ATOH1: variants seen among roughly 807,000 people sequenced by gnomAD.
The protein encoded by ATOH1 is atonal bHLH transcription factor 1, also known as transcription factor ATOH1.
In ATOH1, 9 loss-of-function variants were observed where a neutral mutation model predicts 20.7. The ratio of observed to expected loss-of-function variants is 0.44; its 90% CI spans 0.26 to 0.76. The LOEUF is 0.76. ATOH1 is among the 30% of genes least tolerant of loss of function. ATOH1 has a pLI of 0.20. For missense variants in ATOH1, 516 were observed against 479.3 expected, an observed-to-expected ratio of 1.08 and a Z score of -0.71; for synonymous variants, 247 against 214.3, an observed-to-expected ratio of 1.15 and a Z score of -1.33.
At position 93,828,858 on chromosome 4, in the gene ATOH1, C is replaced by T. The variant is rs1735384429; in HGVS notation, c.-69C>T. The T allele has an allele frequency of 1.4e-6, 2 of 1,476,332 alleles. No homozygotes were observed. Among genetic ancestry groups the T allele is most frequent in the Non-Finnish European group, 9.0e-7 (1 of 1,110,114 alleles). 91.5% of individuals were successfully genotyped at this position (1,476,332 alleles called of 1,614,324 possible). ...CGTTGCAGAAGAGACCCGGAAAGGGCCTTTTTTTTGGTTGAGCTGGTGTCC... is the reference window on the plus strand; with the variant it reads ...CGTTGCAGAAGAGACCCGGAAAGGGTCTTTTTTTTGGTTGAGCTGGTGTCC... On this transcript the variant is annotated 5_prime_UTR_variant, in exon 1 of 1. Transcript: ENST00000306011.
chr4:93,828,906 C>A lies in ATOH1; in HGVS notation c.-21C>A. On this transcript the variant is annotated 5_prime_UTR_variant, in exon 1 of 1. Coordinates refer to ENST00000306011, the MANE Select transcript of ATOH1 (RefSeq NM_005172.2). Reference sequence around the variant, plus strand: ...TCCCAGTGCTGCCTCCGATCCTGAGCCTCCGAGCCTTTGCAGTGCAATGTC... The same window carrying A: ...TCCCAGTGCTGCCTCCGATCCTGAGACTCCGAGCCTTTGCAGTGCAATGTC... The A allele has an allele frequency of 6.4e-7, 1 of 1,552,550 alleles. No individual in the cohort carries two copies. The highest frequency in any genetic ancestry group is 8.7e-7 in the Non-Finnish European group (1 of 1,147,128).
Position 93,830,189 on chromosome 4 carries a change from C to G in ATOH1, c.*198C>G, listed in dbSNP as rs1183976994. 1 of 1,197,382 alleles carries G rather than the reference C, an allele frequency of 8.4e-7. No individual in the cohort carries two copies. The highest frequency in any genetic ancestry group is 1.1e-6 in the Non-Finnish European group (1 of 898,018). 74.2% of individuals were successfully genotyped at this position (1,197,382 alleles called of 1,614,324 possible). A position where few individuals can be genotyped will look rare whatever the true frequency, so the allele number is the denominator to read the frequency against. ...GCCGCTGTTCCAAACTTCCTACGGT[C>G]CATATTGTTTGATGAAAACTTTCTG... On this transcript the variant is annotated 3_prime_UTR_variant, in exon 1 of 1. Coordinates refer to ENST00000306011, the MANE Select transcript of ATOH1 (RefSeq NM_005172.2).
rs1211419402 is a variant in ATOH1, at chr4:93,829,576, C to A, written c.650C>A (p.Thr217Lys). 1.2e-6 allele frequency: 2 copies of A among 1,614,054 alleles called. No individual in the cohort carries two copies. The highest frequency in any genetic ancestry group is 3.3e-5 in the Admixed American group (2 of 60,012). ...YINALSELLQ[T>K]PSGGEQPPPP... is the part of the protein sequence containing the mutation. ...AACGCCTTGTCCGAGCTGCTACAAACGCCCAGCGGAGGGGAACAGCCACCG... is the reference window on the plus strand; with the variant it reads ...AACGCCTTGTCCGAGCTGCTACAAAAGCCCAGCGGAGGGGAACAGCCACCG... The change falls in exon 1 of 1, where the codon ACG (threonine) becomes AAG (lysine). Residue 217 changes from threonine to lysine, a missense_variant. Physicochemically the swap from Thr to Lys is moderately conservative, Grantham distance 78. Transcript: ENST00000306011. The surrounding 1 kb of genome is among the most constrained non-coding windows in gnomAD (Gnocchi z 4.5).
At position 93,830,073 on chromosome 4, in the gene ATOH1, C is replaced by T. The variant is rs550918682; in HGVS notation, c.*82C>T. 17 of 1,492,852 alleles carry T rather than the reference C, an allele frequency of 1.1e-5. No homozygotes were observed. The South Asian group carries it at 2.1e-4, about 19-fold the overall frequency. The allele number at this position is 1,492,852 out of a possible 1,614,324, so 92.5% of individuals were successfully genotyped here. Reference sequence around the variant, plus strand: ...GCGGGAAGCCCCGCGGTTAAAGATCCCCGCACCCTTTAATTTTTGCTCTGC... The same window carrying T: ...GCGGGAAGCCCCGCGGTTAAAGATCTCCGCACCCTTTAATTTTTGCTCTGC... On this transcript the variant is annotated 3_prime_UTR_variant, in exon 1 of 1. Transcript: ENST00000306011.
Position 93,829,295 on chromosome 4 carries a change from A to C in ATOH1, c.369A>C (p.Lys123Asn). The C allele has an allele frequency of 6.2e-7, 1 of 1,611,482 alleles. No individual in the cohort carries two copies. Residue 123 changes from lysine (K) to asparagine (N), a missense_variant, in exon 1 of 1, where the codon AAA becomes AAC. Physicochemically the swap from Lys to Asn is moderately conservative, Grantham distance 94 (BLOSUM62 0). Transcript: ENST00000306011. This position sits in a 1 kb window ranked among gnomAD's most constrained non-coding sequence, Gnocchi z 4.5. Reference protein sequence around the residue: ...ASSSKSPGPVKVREQLCKLKG... With the variant: ...ASSSKSPGPVNVREQLCKLKG... ...GCAGCAAGAGCCCCGGGCCGGTGAA[A>C]GTGCGGGAACAGCTGTGCAAGCTGA... is the stretch of plus-strand genomic sequence containing the variant.
chr4:93,829,280 C>T lies in ATOH1; in HGVS notation c.354C>T (p.Ser118=). 6.2e-7 allele frequency: 1 copy of T among 1,607,168 alleles called. No individual in the cohort carries two copies. The highest frequency in any genetic ancestry group is 1.3e-5 in the African/African-American group (1 of 74,992). Residue 118 remains serine, a synonymous_variant, in exon 1 of 1, where the codon AGC becomes AGT. Coordinates refer to ENST00000306011, the MANE Select transcript of ATOH1 (RefSeq NM_005172.2). This position sits in a 1 kb window ranked among gnomAD's most constrained non-coding sequence, Gnocchi z 4.5. The stretch of plus-strand genomic sequence containing the variant: ...GCGGCGGTGCCAGCAGCAGCAAGAG[C>T]CCCGGGCCGGTGAAAGTGCGGGAAC... ...RSSGGASSSK[S]PGPVKVREQL...
Position 93,829,433 on chromosome 4 carries a change from G to C in ATOH1, c.507G>C (p.Arg169=). ...GGCTAGCAGCCAACGCCAGGGAGCG[G>C]CGCAGGATGCATGGGCTGAACCACG... ...QRRLAANARE[R]RRMHGLNHAF... Residue 169 remains arginine (R), a synonymous_variant, in exon 1 of 1, where the codon CGG becomes CGC. Coordinates refer to ENST00000306011, the MANE Select transcript of ATOH1 (RefSeq NM_005172.2). The surrounding 1 kb of genome is among the most constrained non-coding windows in gnomAD (Gnocchi z 4.5). 6.2e-7 allele frequency: 1 copy of C among 1,614,248 alleles called. No homozygotes were observed. Among genetic ancestry groups the C allele is most frequent in the Non-Finnish European group, 8.5e-7 (1 of 1,180,050 alleles).
At position 93,830,167 on chromosome 4, in the gene ATOH1, G is replaced by C. The variant is rs1735415242; in HGVS notation, c.*176G>C. 3 of 1,338,174 alleles carry C rather than the reference G, an allele frequency of 2.2e-6. No homozygotes were observed. The highest frequency in any genetic ancestry group is 3.0e-5 in the African/African-American group (2 of 67,036). 82.9% of individuals were successfully genotyped at this position (1,338,174 alleles called of 1,614,324 possible). A position where few individuals can be genotyped will look rare whatever the true frequency, so the allele number is the denominator to read the frequency against. ...CATTTGATGGTTTGCAAATGCCGCC[G>C]CTGTTCCAAACTTCCTACGGTCCAT... On this transcript the variant is annotated 3_prime_UTR_variant, in exon 1 of 1. Coordinates refer to ENST00000306011, the MANE Select transcript of ATOH1 (RefSeq NM_005172.2).
chr4:93,829,883 C>T lies in ATOH1; in HGVS notation c.957C>T (p.Ile319=), dbSNP rs200758862. Residue 319 remains isoleucine (I), a synonymous_variant, in exon 1 of 1, where the codon ATC becomes ATT. Coordinates refer to ENST00000306011, the MANE Select transcript of ATOH1 (RefSeq NM_005172.2). This position sits in a 1 kb window ranked among gnomAD's most constrained non-coding sequence, Gnocchi z 4.5. ...TGTCTCCTTCTCTCCCCGGGAGCAT[C>T]TTGCAGCCAGTGCAGGAGGAAAACA... is the stretch of plus-strand genomic sequence containing the variant. The part of the protein sequence containing the change: ...KNLSPSLPGS[I]LQPVQEENSK... The T allele has an allele frequency of 1.6e-5, 26 of 1,614,186 alleles. No individual in the cohort carries two copies. The Admixed American group carries it at 4.0e-4, about 25-fold the overall frequency.
rs374062652 is a variant in ATOH1 at position 93,829,112 on chromosome 4, C to T, written c.186C>T (p.Arg62=). ...ELSLLDSTDP[R]AWLAPTLQGI... ...CCCTCCTGGACAGCACCGACCCACG[C>T]GCCTGGCTGGCTCCCACTTTGCAGG... The change falls in exon 1 of 1, where the codon CGC becomes CGT. Residue 62 remains arginine, a synonymous_variant. Coordinates refer to ENST00000306011, the MANE Select transcript of ATOH1 (RefSeq NM_005172.2). This position sits in a 1 kb window ranked among gnomAD's most constrained non-coding sequence, Gnocchi z 4.5. 25 of 1,609,534 alleles carry T rather than the reference C, an allele frequency of 1.6e-5. No individual in the cohort carries two copies. Among genetic ancestry groups the T allele is most frequent in the Non-Finnish European group, 2.0e-5 (24 of 1,177,376 alleles).
At position 93,829,057 on chromosome 4, in the gene ATOH1, G is replaced by C. The variant is rs1735388831; in HGVS notation, c.131G>C (p.Arg44Thr). Residue 44 changes from arginine (R) to threonine (T), a missense_variant, in exon 1 of 1, where the codon AGA (arginine) becomes ACA (threonine). By Grantham distance (71) the Arg-to-Thr change is moderately conservative. Transcript: ENST00000306011. This position sits in a 1 kb window ranked among gnomAD's most constrained non-coding sequence, Gnocchi z 4.5. Reference sequence around the variant, plus strand: ...CAGCCACCTGCAACTTTGCAGGCGAGAGAGCATCCCGTCTACCCGCCTGAG... The same window carrying C: ...CAGCCACCTGCAACTTTGCAGGCGACAGAGCATCCCGTCTACCCGCCTGAG... ...PPQPPATLQA[R>T]EHPVYPPELS... 4 of 1,613,902 alleles carry C rather than the reference G, an allele frequency of 2.5e-6. No individual in the cohort carries two copies. The highest frequency in any genetic ancestry group is 3.4e-6 in the Non-Finnish European group (4 of 1,179,962).
chr4:93,830,559 G>GT lies in ATOH1; in HGVS notation c.*569dup, dbSNP rs35544861. On this transcript the variant is annotated 3_prime_UTR_variant, in exon 1 of 1. Transcript: ENST00000306011. ...TTTATATATTGTATAAACATACCCA[G>GT]TATGTGCATCCGATCGCGAGAACGT... The GT allele has an allele frequency of 0.55, 92,074 of 166,842 alleles. 27,437 individuals are homozygous for GT. Among genetic ancestry groups the GT allele is most frequent in the Admixed American group, 0.66 (10,106 of 15,294 alleles). 10.3% of individuals were successfully genotyped at this position (166,842 alleles called of 1,614,324 possible).
In ATOH1 at chr4:93,829,035, C is replaced by T. The variant is rs1368780880; in HGVS notation, c.109C>T (p.Pro37Ser). ...HLPQPPPPPQ[P>S]PATLQAREHP... ...CCCGCAACCGCCGCCGCCGCCGCAG[C>T]CACCTGCAACTTTGCAGGCGAGAGA... is the stretch of plus-strand genomic sequence containing the variant. The change falls in exon 1 of 1, where the codon CCA becomes TCA. Residue 37 changes from proline to serine, a missense_variant. Transcript: ENST00000306011. This position sits in a 1 kb window ranked among gnomAD's most constrained non-coding sequence, Gnocchi z 4.5. 6.2e-7 allele frequency: 1 copy of T among 1,613,916 alleles called. No individual in the cohort carries two copies. The highest frequency in any genetic ancestry group is 1.1e-5 in the South Asian group (1 of 91,076).
Position 93,830,318 on chromosome 4 carries a change from C to A in ATOH1, c.*327C>A. The A allele has an allele frequency of 4.1e-6, 1 of 241,168 alleles. No individual in the cohort carries two copies. The highest frequency in any genetic ancestry group is 8.3e-6 in the Non-Finnish European group (1 of 119,972). 14.9% of individuals were successfully genotyped at this position (241,168 alleles called of 1,614,324 possible). ...CATCATTATTCTAGTTCCCTGCTGC[C>A]AATACGCTGCTAAAACGTCGCATCT... is the stretch of plus-strand genomic sequence containing the variant. On this transcript the variant is annotated 3_prime_UTR_variant, in exon 1 of 1. Transcript: ENST00000306011.
Position 93,829,982 on chromosome 4 carries a change from G to A in ATOH1, c.1056G>A (p.Glu352=), listed in dbSNP as rs562808631. 3 of 1,593,156 alleles carry A rather than the reference G, an allele frequency of 1.9e-6. No homozygotes were observed. The highest frequency in any genetic ancestry group is 2.3e-5 in the South Asian group (2 of 87,618). ...ATTCCCATTACAGTGACTCGGATGA[G>A]GCAAGTTAGGAAGGTGACAGAAGCC... ...SPHSHYSDSD[E]AS The change falls in exon 1 of 1, where the codon GAG becomes GAA. Residue 352 remains glutamate (E), a synonymous_variant. Transcript: ENST00000306011. The surrounding 1 kb of genome is among the most constrained non-coding windows in gnomAD (Gnocchi z 4.5).
Position 93,828,823 on chromosome 4 carries a change from A to C in ATOH1, c.-104A>C. 1 of 1,342,548 alleles carries C rather than the reference A, an allele frequency of 7.4e-7. No homozygotes were observed. The highest frequency in any genetic ancestry group is 9.9e-7 in the Non-Finnish European group (1 of 1,006,890). The allele number at this position is 1,342,548 out of a possible 1,614,324, so 83.2% of individuals were successfully genotyped here. Reference sequence around the variant, plus strand: ...GTGGGGGAGGGTCGAGGAGGGAAAAAAAAATAAGACGTTGCAGAAGAGACC... The same window carrying C: ...GTGGGGGAGGGTCGAGGAGGGAAAACAAAATAAGACGTTGCAGAAGAGACC... On this transcript the variant is annotated 5_prime_UTR_variant, in exon 1 of 1. Transcript: ENST00000306011.
Position 93,829,919 on chromosome 4 carries a change from G to A in ATOH1, c.993G>A (p.Ser331=). The A allele has an allele frequency of 6.2e-7, 1 of 1,614,044 alleles. No homozygotes were observed. The highest frequency in any genetic ancestry group is 8.5e-7 in the Non-Finnish European group (1 of 1,180,010). The part of the protein sequence containing the change: ...QPVQEENSKT[S]PRSHRSDGEF... The stretch of plus-strand genomic sequence containing the variant: ...TGCAGGAGGAAAACAGCAAAACTTC[G>A]CCTCGGTCCCACAGAAGCGACGGGG... The change falls in exon 1 of 1, where the codon TCG becomes TCA. Residue 331 remains serine, a synonymous_variant. Coordinates refer to ENST00000306011, the MANE Select transcript of ATOH1 (RefSeq NM_005172.2). The surrounding 1 kb of genome is among the most constrained non-coding windows in gnomAD (Gnocchi z 4.5).
Position 93,829,001 on chromosome 4 carries a change from G to A in ATOH1, c.75G>A (p.Pro25=), listed in dbSNP as rs1194938805. The A allele has an allele frequency of 1.9e-6, 3 of 1,613,626 alleles. No homozygotes were observed. Among genetic ancestry groups the A allele is most frequent in the Non-Finnish European group, 2.5e-6 (3 of 1,179,844 alleles). ...GAGACCACCATCGCCAGCCCCAGCC[G>A]CATCATCTCCCGCAACCGCCGCCGC... The part of the protein sequence containing the change: ...ELGDHHRQPQ[P]HHLPQPPPPP... The change falls in exon 1 of 1, where the codon CCG becomes CCA. Residue 25 remains proline, a synonymous_variant. Transcript: ENST00000306011. The surrounding 1 kb of genome is among the most constrained non-coding windows in gnomAD (Gnocchi z 4.5).
rs548738966 is a variant in ATOH1, at chr4:93,829,362, C to T, written c.436C>T (p.Arg146Trp). The T allele has an allele frequency of 3.2e-5, 51 of 1,614,154 alleles. 1 individual carries two copies. The highest frequency in any genetic ancestry group is 4.2e-5 in the Non-Finnish European group (49 of 1,180,020). Residue 146 changes from arginine to tryptophan, a missense_variant, in exon 1 of 1, where the codon CGG (arginine) becomes TGG (tryptophan). Transcript: ENST00000306011. This position sits in a 1 kb window ranked among gnomAD's most constrained non-coding sequence, Gnocchi z 4.5. ...AGACGAGCTGGGCTGCAGCCGCCAACGGGCCCCTTCCAGCAAACAGGTGAA... is the reference window on the plus strand; with the variant it reads ...AGACGAGCTGGGCTGCAGCCGCCAATGGGCCCCTTCCAGCAAACAGGTGAA... Reference protein sequence around the residue: ...VVDELGCSRQRAPSSKQVNGV... With the variant: ...VVDELGCSRQWAPSSKQVNGV...
Sources: gnomAD v4.1 joint callset for allele counts on GRCh38, gnomAD v4.1.1 for gene constraint, Gnocchi (gnomAD v3.1) non-coding constraint, MANE v1.5 for transcripts, NCBI Gene and HGNC (gene_info 2026-07-23, HGNC 2026-07-21) for gene names.